GAD2: variants seen among roughly 807,000 people sequenced by gnomAD.
GAD2 encodes 65 kDa glutamic acid decarboxylase.
A neutral mutation model predicts 80.1 loss-of-function variants in GAD2; 22 were observed. The observed-to-expected ratio is 0.27, with a 90% confidence interval of 0.20 to 0.39. The LOEUF (loss-of-function observed/expected upper bound fraction) is 0.39, where lower values mean the gene tolerates loss of function less well. Among genes scored for constraint, GAD2 ranks in the 10% least tolerant of loss-of-function variants. GAD2 has a pLI of 1.00. For missense variants in GAD2, 624 were observed against 738.4 expected (o/e 0.85, Z 1.80); for synonymous variants, 274 against 256.9 (o/e 1.07, Z -0.64).
At chr10:26,240,095 A>G (rs1844721671) in intron 7 of GAD2, among the ~76,000 whole-genome samples, 2 of 152,214 alleles carry the variant, frequency 1.3e-5, no homozygotes, top group Admixed American at 6.5e-5. Flanking sequence ...TCTTGTCCCA[A>G]TTCTAATAGA....
intron 11 of GAD2, among the ~76,000 whole-genome samples, chr10:26,278,156 T>C (rs889974365): frequency 9.2e-5 from 14 of 152,022 alleles, no homozygotes; most frequent in African/African-American, 2.9e-4. Flanking sequence ...AAAAGACAAA[T>C]AGGCCCCCAC....
intron 7 of GAD2, among the ~76,000 whole-genome samples, chr10:26,231,237 G>T (rs894078868): frequency 1.3e-5 from 2 of 152,204 alleles, no homozygotes; most frequent in Admixed American, 1.3e-4. Context: ...GGCCTAGAGG[G>T]AGACTCAGGG....
intron 12 of GAD2, among the ~76,000 whole-genome samples, chr10:26,284,651 AACCTCC>A (rs1261520520): frequency 7.0e-6 from 1 of 142,906 alleles, no homozygotes; most frequent in African/African-American, 2.6e-5. Flanking sequence ...GGCTCACTGC[AACCTCC>A]ACCTCCTGGG....
intron 6 of GAD2, among the ~76,000 whole-genome samples, chr10:26,228,815 C>T (rs1335522407): frequency 2.6e-5 from 4 of 152,256 alleles, no homozygotes; most frequent in South Asian, 2.1e-4. Flanking sequence ...CACCAGCCCC[C>T]GACCTTCCAT....
chr10:26,243,282 C>A (rs1844765179), intron 7 of GAD2, among the ~76,000 whole-genome samples: 2 of 152,180 alleles, frequency 1.3e-5, no homozygotes, highest in African/African-American at 4.8e-5. Context: ...AATGTGATTT[C>A]TTCTTGGTGA....
At chr10:26,223,709 ATGTG>A (rs368846977) in intron 4 of GAD2, among the ~76,000 whole-genome samples, 174 bp from the exon 5 acceptor site, 2,725 of 147,862 alleles carry the variant, frequency 0.018, 82 homozygotes, top group African/African-American at 0.06. Flanking sequence ...GTGTATGTGC[ATGTG>A]TGTGTGTGTG....
Position 26,302,398 on chromosome 10 carries a change from G to A in GAD2, c.*1437G>A, listed in dbSNP as rs910661437. 6.6e-6 allele frequency: 1 copy of A among 152,044 alleles called. No homozygotes were observed. Among genetic ancestry groups the A allele is most frequent in the Non-Finnish European group, 1.5e-5 (1 of 68,002 alleles). The allele number at this position is 152,044 out of a possible 1,614,324, so 9.4% of individuals were successfully genotyped here. A position where few individuals can be genotyped will look rare whatever the true frequency, so the allele number is the denominator to read the frequency against. On this transcript the variant is annotated 3_prime_UTR_variant, in exon 16 of 16. Transcript: ENST00000376261. The stretch of plus-strand genomic sequence containing the variant: ...AATAAGATCCTTAGAATTCAAAATA[G>A]TATTTTTAAAACATCCTTCTTTCCC...
At chr10:26,244,893 T>G (rs371484262) in intron 7 of GAD2, among the ~76,000 whole-genome samples, 3 of 152,220 alleles carry the variant, frequency 2.0e-5, no homozygotes, top group African/African-American at 7.2e-5. Context: ...GGCTCATGCC[T>G]GTAATCCCAG....
chr10:26,233,413 G>GC (rs544224893), intron 7 of GAD2, among the ~76,000 whole-genome samples: 82 of 152,238 alleles, frequency 5.4e-4, no homozygotes, highest in African/African-American at 1.7e-3. Context: ...GTAGGGTTGG[G>GC]CTGGAGGGGG....
chr10:26,266,057 C>G (rs138738398), intron 8 of GAD2, among the ~76,000 whole-genome samples: 4 of 152,344 alleles, frequency 2.6e-5, no homozygotes, highest in African/African-American at 9.6e-5. Context: ...AACATATGGA[C>G]CCAGGTCTAC....
At chr10:26,281,191 G>A in intron 12 of GAD2, 104 bp downstream of exon 12, 1 of 777,340 alleles carries the variant, frequency 1.3e-6, no homozygotes, top group Non-Finnish European at 2.1e-6. Context: ...TCTTCTCTAT[G>A]GTCCTACTCA....
Position 26,235,367 on chromosome 10 carries a change from T to G in GAD2, c.840+5590T>G, listed in dbSNP as rs185778993. On this transcript the variant is annotated intron_variant, in intron 7 of 15. Coordinates refer to ENST00000376261, the MANE Select transcript of GAD2 (RefSeq NM_001134366.2). ...ATATTCATGAAGGGAAGAGCCATTTTGTTTTCTAAATGACCCTTCACTCTG... is the reference window on the plus strand; with the variant it reads ...ATATTCATGAAGGGAAGAGCCATTTGGTTTTCTAAATGACCCTTCACTCTG... Among the ~76,000 whole-genome samples the G allele has an allele frequency of 5.9e-5, 9 of 152,314 alleles. No homozygotes were observed. The East Asian group carries it at 1.5e-3, about 26-fold the overall frequency.
At position 26,218,371 on chromosome 10, in the gene GAD2, A is replaced by AT. The variant is rs577838114; in HGVS notation, c.286+388dup. 8.3e-4 allele frequency: 157 copies of AT among 190,224 alleles called. 2 individuals carry two copies. Among genetic ancestry groups the AT allele is most frequent in the Middle Eastern group, 5.8e-3 (3 of 514 alleles). 11.8% of individuals were successfully genotyped at this position (190,224 alleles called of 1,614,324 possible). Reference sequence around the variant, plus strand: ...ACCGTGCCCGAGAATTCAGAATTGCATTTTTTTTAGGTCTTTAGATCACGA... The same window carrying AT: ...ACCGTGCCCGAGAATTCAGAATTGCATTTTTTTTTAGGTCTTTAGATCACGA... On this transcript the variant is annotated intron_variant, in intron 3 of 15. Coordinates refer to ENST00000376261, the MANE Select transcript of GAD2 (RefSeq NM_001134366.2).
intron 6 of GAD2, chr10:26,224,898 T>G: frequency 2.2e-6 from 1 of 444,448 alleles, no homozygotes; most frequent in Non-Finnish European, 4.0e-6. Context: ...ACTTACCCAG[T>G]GCTTCTACTG....
rs1834343083 is a variant in GAD2 at position 26,302,940 on chromosome 10, T to C, written c.*1979T>C. ...ATTAGACAAAGCATTAGAAAGCAGT[T>C]CCTTTCTCAAAACTGCCTGCTGAGA... On this transcript the variant is annotated 3_prime_UTR_variant, in exon 16 of 16. Coordinates refer to ENST00000376261, the MANE Select transcript of GAD2 (RefSeq NM_001134366.2). 6.6e-6 allele frequency: 1 copy of C among 152,184 alleles called. No individual in the cohort carries two copies. Among genetic ancestry groups the C allele is most frequent in the African/African-American group, 2.4e-5 (1 of 41,456 alleles). 9.4% of individuals were successfully genotyped at this position (152,184 alleles called of 1,614,324 possible). A position where few individuals can be genotyped will look rare whatever the true frequency, so the allele number is the denominator to read the frequency against.
chr10:26,261,545 G>T (rs986731931), intron 8 of GAD2, among the ~76,000 whole-genome samples: 2 of 152,094 alleles, frequency 1.3e-5, no homozygotes, highest in Admixed American at 6.6e-5. Context: ...TTTGATGGGA[G>T]ATTTTTGTTT....
At chr10:26,281,821 C>T (rs1211661760) in intron 12 of GAD2, among the ~76,000 whole-genome samples, 2 of 152,192 alleles carry the variant, frequency 1.3e-5, no homozygotes, top group African/African-American at 4.8e-5. Flanking sequence ...TCCTCACTCC[C>T]ACATTTATTT....
At chr10:26,281,946 T>C (rs983500680) in intron 12 of GAD2, among the ~76,000 whole-genome samples, 5 of 151,912 alleles carry the variant, frequency 3.3e-5, no homozygotes, top group African/African-American at 4.8e-5. Context: ...CTTCATTTAC[T>C]TTTTTTTTCT....
chr10:26,302,869 C>T lies in GAD2; in HGVS notation c.*1908C>T, dbSNP rs1459874944. ...CTCTTTCATCTGTCCCGCAGAATTTCATGAAGGAGTAACCTTCCATTCTAG... is the reference window on the plus strand; with the variant it reads ...CTCTTTCATCTGTCCCGCAGAATTTTATGAAGGAGTAACCTTCCATTCTAG... On this transcript the variant is annotated 3_prime_UTR_variant, in exon 16 of 16. Coordinates refer to ENST00000376261, the MANE Select transcript of GAD2 (RefSeq NM_001134366.2). 1.3e-5 allele frequency: 2 copies of T among 152,204 alleles called. No homozygotes were observed. Among genetic ancestry groups the T allele is most frequent in the Admixed American group, 1.3e-4 (2 of 15,278 alleles). The allele number at this position is 152,204 out of a possible 1,614,324, so 9.4% of individuals were successfully genotyped here. A position where few individuals can be genotyped will look rare whatever the true frequency, so the allele number is the denominator to read the frequency against.
Sources: gnomAD v4.1 joint callset for allele counts (sites outside exome capture counted in the v4.1 genomes callset) on GRCh38, gnomAD v4.1.1 for gene constraint, MANE v1.5 for transcripts, NCBI Gene and HGNC (gene_info 2026-07-23, HGNC 2026-07-21) for gene names.